Variants in CREBBP observed in about 807,000 individuals in gnomAD.
CREBBP encodes CREB-binding protein.
A neutral mutation model predicts 265.0 loss-of-function variants in CREBBP; 19 were observed. The observed-to-expected ratio is 0.07, with a 90% CI of 0.05 to 0.11. The LOEUF (loss-of-function observed/expected upper bound fraction) is 0.11, where lower values mean the gene tolerates loss of function less well. Ranked by LOEUF, CREBBP falls within the 10% of genes least tolerant of loss-of-function variation. The pLI is 1.00. For synonymous variants in CREBBP, 1,457 were observed against 1,223.7 expected, an observed-to-expected ratio of 1.19 and a Z score of -3.98; for missense variants, 2,525 against 3,219.0, an observed-to-expected ratio of 0.78 and a Z score of 5.22.
Position 3,749,637 on chromosome 16 carries a change from C to T in CREBBP, c.3826G>A (p.Asp1276Asn), listed in dbSNP as rs1190687085. 1 of 1,605,534 alleles carries T rather than the reference C, an allele frequency of 6.2e-7. No homozygotes were observed. The highest frequency in any genetic ancestry group is 8.5e-7 in the Non-Finnish European group (1 of 1,172,940). Residue 1276 changes from aspartate (D) to asparagine (N), a missense_variant, in exon 21 of 31, where the codon GAC becomes AAC. Physicochemically the swap from Asp to Asn is conservative, Grantham distance 23. This residue lies in a region of CREBBP where 252 missense variants were observed against 452.5 expected (regional missense o/e 0.56). Coordinates refer to ENST00000262367, the MANE Select transcript of CREBBP (RefSeq NM_004380.3). Reference sequence around the variant, plus strand: ...TAGCTATATACTTACGGTTCGGGGTCTAAGGTATCATTTTTCTTCTTTTCA... The same window carrying T: ...TAGCTATATACTTACGGTTCGGGGTTTAAGGTATCATTTTTCTTCTTTTCA... The part of the protein sequence containing the change: ...QFEKKKNDTL[D>N]PEPFVDCKEC...
Position 3,731,414 on chromosome 16 carries a change from G to C in CREBBP, c.4950C>G (p.Val1650=), listed in dbSNP as rs1205830176. The C allele has an allele frequency of 1.9e-6, 3 of 1,605,854 alleles. No homozygotes were observed. The highest frequency in any genetic ancestry group is 2.2e-5 in the South Asian group (2 of 89,626). Reference sequence around the variant, plus strand: ...CACAGCTGAGCAGGGGGTCGGGGTCGACGATGGGGGGCAGGGTGTTGATGA... The same window carrying C: ...CACAGCTGAGCAGGGGGTCGGGGTCCACGATGGGGGGCAGGGTGTTGATGA... ...GPVINTLPPI[V]DPDPLLSCDL... The change falls in exon 30 of 31, where the codon GTC becomes GTG. Residue 1650 remains valine, a synonymous_variant. Transcript: ENST00000262367. The surrounding 1 kb of genome is among the most constrained non-coding windows in gnomAD (Gnocchi z 7.7).
Position 3,727,598 on chromosome 16 carries a change from C to A in CREBBP, c.*120G>T, listed in dbSNP as rs1159117730. ...TTGTATTGTTTCTTTAAACATCAAT[C>A]CACCCTTCCATGGCTCGGAAGTCGC... is the stretch of plus-strand genomic sequence containing the variant. On this transcript the variant is annotated 3_prime_UTR_variant, in exon 31 of 31. Transcript: ENST00000262367. The A allele has an allele frequency of 2.0e-6, 3 of 1,491,612 alleles. No individual in the cohort carries two copies. In the Admixed American group the frequency reaches 5.7e-5, roughly 28 times the overall value. The allele number at this position is 1,491,612 out of a possible 1,614,324, so 92.4% of individuals were successfully genotyped here. A position where few individuals can be genotyped will look rare whatever the true frequency, so the allele number is the denominator to read the frequency against.
intron 28 of CREBBP, among the ~76,000 whole-genome samples, chr16:3,733,455 G>C (rs1243628415): frequency 1.3e-5 from 2 of 151,878 alleles, no homozygotes; most frequent in Non-Finnish European, 2.9e-5. Flanking sequence ...AGACAGAAAA[G>C]GGACGTCAGG....
intron 2 of CREBBP, among the ~76,000 whole-genome samples, chr16:3,819,314 T>A (rs571654489): frequency 1.3e-5 from 2 of 152,318 alleles, no homozygotes; most frequent in South Asian, 4.1e-4. Context: ...TCACAGCACC[T>A]CCTCTAAGGG....
Position 3,802,114 on chromosome 16 carries a change from A to ATTTTTTTTTTTTTTTT in CREBBP, c.975+8473_975+8488dup, listed in dbSNP as rs71133657. Among the ~76,000 whole-genome samples the ATTTTTTTTTTTTTTTT allele has an allele frequency of 2.0e-4, 10 of 50,580 alleles. 1 individual carries two copies. The highest frequency in any genetic ancestry group is 7.4e-4 in the African/African-American group (8 of 10,782). The allele number at this position is 50,580 out of a possible 152,430, so 33.2% of individuals were successfully genotyped here. A position where few individuals can be genotyped will look rare whatever the true frequency, so the allele number is the denominator to read the frequency against. On this transcript the variant is annotated intron_variant, in intron 3 of 30. Coordinates refer to ENST00000262367, the MANE Select transcript of CREBBP (RefSeq NM_004380.3). ...TTTATATTTACTCTGGTATTCCTTAATTTTTTTTTTTTTTTTTTTTTTTTT... is the reference window on the plus strand; with the variant it reads ...TTTATATTTACTCTGGTATTCCTTAATTTTTTTTTTTTTTTTTTTTTTTTTTTTTTTTTTTTTTTTT...
chr16:3,841,376 T>C (rs1337532869), intron 2 of CREBBP, among the ~76,000 whole-genome samples: 3 of 151,842 alleles, frequency 2.0e-5, no homozygotes, highest in Middle Eastern at 3.2e-3. Flanking sequence ...GGCTACAGCG[T>C]AATAATAAGA....
chr16:3,738,467 T>TA (rs2052125054), intron 26 of CREBBP, 92 bp downstream of exon 26: 3 of 822,462 alleles, frequency 3.6e-6, no homozygotes, highest in Non-Finnish European at 6.1e-6. Context: ...TAAAAACGCA[T>TA]AAAACTTAAA....
At chr16:3,828,678 A>G (rs940211180) in intron 2 of CREBBP, among the ~76,000 whole-genome samples, 1 of 152,248 alleles carries the variant, frequency 6.6e-6, no homozygotes, top group South Asian at 2.1e-4. Context: ...ATACAGCTGT[A>G]TTACAGACAA....
At chr16:3,740,653 T>C in intron 23 of CREBBP, 104 bp from the exon 24 acceptor site, 2 of 1,299,422 alleles carry the variant, frequency 1.5e-6, no homozygotes, top group Non-Finnish European at 2.2e-6. Flanking sequence ...GCTGATATTT[T>C]AAAGGACTAA....
At chr16:3,759,510 C>T (rs1047925332) in intron 16 of CREBBP, among the ~76,000 whole-genome samples, 5 of 150,652 alleles carry the variant, frequency 3.3e-5, no homozygotes, top group African/African-American at 5.0e-5. Flanking sequence ...TTGCTTGAAC[C>T]CAGGAGACGG....
In CREBBP at chr16:3,850,705, G is replaced by A. The variant is rs1293459539; in HGVS notation, c.390C>T (p.Ala130=). 7.4e-6 allele frequency: 12 copies of A among 1,614,002 alleles called. No individual in the cohort carries two copies. Among genetic ancestry groups the A allele is most frequent in the Non-Finnish European group, 1.0e-5 (12 of 1,180,052 alleles). The change falls in exon 2 of 31, where the codon GCC becomes GCT. Residue 130 remains alanine (A), a synonymous_variant. Transcript: ENST00000262367. ...TGGCTGCCTGTTTAGGCAGGCTGGG[G>A]GCTGAAGAATCTCCCTGGCTCAGAG... is the stretch of plus-strand genomic sequence containing the variant. ...KSPLSQGDSS[A]PSLPKQAAST... is the part of the protein sequence containing the mutation.
At chr16:3,846,908 A>G (rs1046851774) in intron 2 of CREBBP, among the ~76,000 whole-genome samples, 1 of 152,240 alleles carries the variant, frequency 6.6e-6, no homozygotes, top group Non-Finnish European at 1.5e-5. Flanking sequence ...CTTACTCTTA[A>G]GAGTATTTTT....
At chr16:3,795,595 A>C (rs1390475252) in intron 3 of CREBBP, among the ~76,000 whole-genome samples, 1 of 152,222 alleles carries the variant, frequency 6.6e-6, no homozygotes, top group South Asian at 2.1e-4. Context: ...TATGGGGCAT[A>C]AACTGGAATC....
intron 13 of CREBBP, 44 bp from the exon 14 acceptor site, chr16:3,771,030 T>A: frequency 6.2e-7 from 1 of 1,606,784 alleles, no homozygotes; most frequent in Non-Finnish European, 8.5e-7. Context: ...TTCCCCCGTT[T>A]GAAAATGTGA....
rs1490028923 is a variant in CREBBP at position 3,731,693 on chromosome 16, C to A, written c.4890+83G>T. 6.3e-7 allele frequency: 1 copy of A among 1,588,372 alleles called. No homozygotes were observed. The highest frequency in any genetic ancestry group is 1.3e-5 in the African/African-American group (1 of 74,494). ...CCACTTCCCTCCCACCACAGACCTG[C>A]ACACGGGCCCACGCCCGCCAGCTGC... On this transcript the variant is annotated intron_variant, in intron 29 of 30. Coordinates refer to ENST00000262367, the MANE Select transcript of CREBBP (RefSeq NM_004380.3). This position sits in a 1 kb window ranked among gnomAD's most constrained non-coding sequence, Gnocchi z 7.7.
intron 2 of CREBBP, among the ~76,000 whole-genome samples, chr16:3,848,214 G>C (rs147568925): frequency 2.6e-5 from 4 of 151,800 alleles, no homozygotes; most frequent in Admixed American, 2.6e-4. Context: ...CACTGGAAAC[G>C]TGACTATTCT....
intron 19 of CREBBP, 149 bp from the exon 20 acceptor site, chr16:3,751,955 A>T (rs1286536433): frequency 5.4e-6 from 4 of 738,008 alleles, no homozygotes; most frequent in Non-Finnish European, 9.7e-6. Flanking sequence ...GGACAATGAA[A>T]GGAACAGGGG....
chr16:3,811,747 G>C (rs2053941807), intron 2 of CREBBP, among the ~76,000 whole-genome samples: 1 of 152,104 alleles, frequency 6.6e-6, no homozygotes, highest in African/African-American at 2.4e-5. Context: ...ATCCACCTTG[G>C]CCTCCCAAAG....
intron 2 of CREBBP, among the ~76,000 whole-genome samples, chr16:3,849,441 GT>G (rs563307061): frequency 0.045 from 809 of 17,828 alleles, 33 homozygotes; most frequent in Middle Eastern, 0.11. Flanking sequence ...GTGTGTGTGT[GT>G]GTGTGTGTGT....
Sources: gnomAD v4.1 joint callset for allele counts (sites outside exome capture counted in the v4.1 genomes callset) on GRCh38, gnomAD v4.1.1 for gene constraint, gnomAD v4.1.1 regional missense constraint, Gnocchi (gnomAD v3.1) non-coding constraint, MANE v1.5 for transcripts, NCBI Gene and HGNC (gene_info 2026-07-23, HGNC 2026-07-21) for gene names.